The following PHLDB2 variants were observed in gnomAD, a reference collection of about 807,000 sequenced individuals.
The protein encoded by PHLDB2 is pleckstrin homology like domain family B member 2.
In PHLDB2, 71 loss-of-function variants were observed where a neutral mutation model predicts 123.6. The ratio of observed to expected loss-of-function variants is 0.57; its 90% CI spans 0.47 to 0.70. The LOEUF is 0.70. Ranked by LOEUF, PHLDB2 falls within the 30% of genes least tolerant of loss-of-function variation. The pLI is 0.00. For missense variants in PHLDB2, 1,446 were observed against 1,519.5 expected (o/e 0.95, Z 0.80); for synonymous variants, 547 against 541.6 (o/e 1.01, Z -0.14).
In PHLDB2 at chr3:111,780,391, GAAGAAGAA is replaced by G. The variant is rs1559827408; in HGVS notation, c.-49+47689_-49+47696del. Among the ~76,000 whole-genome samples the G allele has an allele frequency of 5.4e-4, 27 of 49,976 alleles. 5 individuals carry two copies. The highest frequency in any genetic ancestry group is 3.0e-3 in the East Asian group (1 of 336). 32.8% of individuals were successfully genotyped at this position (49,976 alleles called of 152,430 possible). On this transcript the variant is annotated intron_variant, in intron 1 of 17. Coordinates refer to the PHLDB2 transcript ENST00000393923. ...AGAAGAAGAAGAAGAAGAAGAAGAA[GAAGAAGAA>G]GAAGAAGAAGAAAAAGATTAGTTCG... is the stretch of plus-strand genomic sequence containing the variant.
chr3:111,939,764 C>A, intron 7 of PHLDB2, 134 bp downstream of exon 7: 1 of 783,382 alleles, frequency 1.3e-6, no homozygotes, highest in Non-Finnish European at 1.9e-6. Flanking sequence ...AATGGTGTTC[C>A]AAATTAGACA....
chr3:111,875,423 T>C (rs910152159), intron 1 of PHLDB2, among the ~76,000 whole-genome samples: 2 of 151,938 alleles, frequency 1.3e-5, no homozygotes, highest in African/African-American at 4.8e-5. Flanking sequence ...GTGCTGGGAT[T>C]ATAGGTGTGA....
intron 1 of PHLDB2, 113 bp downstream of exon 1, chr3:111,859,689 G>A (rs1193827600): frequency 3.0e-6 from 3 of 985,122 alleles, no homozygotes; most frequent in Non-Finnish European, 3.6e-6. Context: ...GCCGCCGGTT[G>A]CGCTGCGGAG....
In PHLDB2 at chr3:111,945,366, T is replaced by C; in HGVS notation, c.2487+9T>C. On this transcript the variant is annotated intron_variant, in intron 9 of 17. Transcript: ENST00000431670. ...CCAATACTTTAAAAGAGGTAAGCTA[T>C]GATTTTACATGTCGCTTTATGTTGC... 1 of 1,553,904 alleles carries C rather than the reference T, an allele frequency of 6.4e-7. No individual in the cohort carries two copies. Among genetic ancestry groups the C allele is most frequent in the Non-Finnish European group, 8.9e-7 (1 of 1,127,642 alleles).
chr3:111,889,853 T>C (rs2066378208), intron 2 of PHLDB2, among the ~76,000 whole-genome samples: 1 of 152,162 alleles, frequency 6.6e-6, no homozygotes, highest in African/African-American at 2.4e-5. Context: ...AATTTATTAT[T>C]ATCCTCGGGA....
At chr3:111,905,372 T>C (rs891955005) in intron 2 of PHLDB2, among the ~76,000 whole-genome samples, 2 of 152,196 alleles carry the variant, frequency 1.3e-5, no homozygotes, top group Non-Finnish European at 2.9e-5. Flanking sequence ...TTTATTTATT[T>C]ATTTGAGACA....
chr3:111,873,350 T>G (rs2065440130), intron 1 of PHLDB2, among the ~76,000 whole-genome samples: 1 of 152,222 alleles, frequency 6.6e-6, no homozygotes, highest in Non-Finnish European at 1.5e-5. Flanking sequence ...TATTGTAGTT[T>G]AATACTCTAT....
chr3:111,812,239 G>A (rs1413603908), intron 1 of PHLDB2, among the ~76,000 whole-genome samples: 1 of 152,100 alleles, frequency 6.6e-6, no homozygotes, highest in African/African-American at 2.4e-5. Flanking sequence ...CCATCTTTCT[G>A]TGATCACCAT....
chr3:111,886,673 A>C (rs2066183102), intron 2 of PHLDB2, among the ~76,000 whole-genome samples: 1 of 152,238 alleles, frequency 6.6e-6, no homozygotes, highest in Non-Finnish European at 1.5e-5. Flanking sequence ...GTTCTTACAG[A>C]GTTTTCAAAT....
chr3:111,824,471 T>C (rs2062557146), intron 1 of PHLDB2, among the ~76,000 whole-genome samples: 1 of 152,184 alleles, frequency 6.6e-6, no homozygotes, highest in Admixed American at 6.5e-5. Context: ...TCTAATAACT[T>C]TTCCCACTGT....
rs114027672 is a variant in PHLDB2, at chr3:111,869,974, G to A, written c.-15+10398G>A. ...TGACAAAGAACATGGTGCAAAGGAAGAGGAGTTGGAATCCATTTGCTGCTG... is the reference window on the plus strand; with the variant it reads ...TGACAAAGAACATGGTGCAAAGGAAAAGGAGTTGGAATCCATTTGCTGCTG... On this transcript the variant is annotated intron_variant, in intron 1 of 17. Coordinates refer to ENST00000431670, the MANE Select transcript of PHLDB2 (RefSeq NM_001134438.2). 9.0e-4 allele frequency among the ~76,000 whole-genome samples: 137 copies of A among 152,346 alleles called. No homozygotes were observed. The Middle Eastern group carries it at 0.01, about 11-fold the overall frequency.
At chr3:111,919,676 A>T (rs34719472) in intron 4 of PHLDB2, among the ~76,000 whole-genome samples, 3,568 of 152,372 alleles carry the variant, frequency 0.023, 75 homozygotes, top group Non-Finnish European at 0.036. Context: ...AGGGGGAAGC[A>T]GAGAGAACAC....
intron 1 of PHLDB2, among the ~76,000 whole-genome samples, chr3:111,803,418 G>A (rs1232876108): frequency 1.3e-5 from 2 of 152,174 alleles, no homozygotes; most frequent in African/African-American, 4.8e-5. Flanking sequence ...AACTTCCCGG[G>A]AGAATGTGCC....
At chr3:111,890,756 TTAATGAGG>T (rs2066434187) in intron 2 of PHLDB2, among the ~76,000 whole-genome samples, 1 of 152,192 alleles carries the variant, frequency 6.6e-6, no homozygotes, top group South Asian at 2.1e-4. Flanking sequence ...CAAGGGCCTA[TTAATGAGG>T]TAAATAATCC....
chr3:111,936,854 T>A (rs1559911767), intron 6 of PHLDB2, among the ~76,000 whole-genome samples: 1 of 152,208 alleles, frequency 6.6e-6, no homozygotes, highest in Non-Finnish European at 1.5e-5. Context: ...TGGAAGACCT[T>A]ATAAACTTGA....
chr3:111,843,398 G>T (rs552931475), intron 1 of PHLDB2, among the ~76,000 whole-genome samples: 42 of 152,224 alleles, frequency 2.8e-4, no homozygotes, highest in African/African-American at 9.4e-4. Context: ...TGAGTATTTT[G>T]ATTTTTTTAT....
intron 1 of PHLDB2, among the ~76,000 whole-genome samples, chr3:111,830,370 T>C (rs918849687): frequency 6.6e-6 from 1 of 152,138 alleles, no homozygotes; most frequent in African/African-American, 2.4e-5. Flanking sequence ...AAATTCTTTA[T>C]CTTACATGCG....
At chr3:111,882,612 C>T (rs1024514420) in intron 1 of PHLDB2, among the ~76,000 whole-genome samples, 5 of 152,122 alleles carry the variant, frequency 3.3e-5, no homozygotes, top group Admixed American at 6.5e-5. Context: ...TCTATCTGGG[C>T]AGGGCTTTGG....
At chr3:111,857,475 G>GAAAAA (rs71131986), upstream of PHLDB2, among the ~76,000 whole-genome samples, 17 of 42,316 alleles carry the variant, frequency 4.0e-4, no homozygotes, top group Non-Finnish European at 9.8e-4. Flanking sequence ...GAAAAGAAAA[G>GAAAAA]AAAAAAAAAT....
Sources: gnomAD v4.1 joint callset for allele counts (sites outside exome capture counted in the v4.1 genomes callset) on GRCh38, gnomAD v4.1.1 for gene constraint, MANE v1.5 for transcripts, NCBI Gene and HGNC (gene_info 2026-07-23, HGNC 2026-07-21) for gene names.